PCSK1: variants seen among roughly 807,000 people sequenced by gnomAD.
PCSK1 encodes proprotein convertase subtilisin/kexin type 1, also known as neuroendocrine convertase 1.
In PCSK1, 56 loss-of-function variants were observed where a neutral mutation model predicts 90.6. The observed-to-expected ratio is 0.62, with a 90% CI of 0.50 to 0.77. The LOEUF is 0.77. PCSK1 is among the 30% of genes least tolerant of loss of function. The pLI is 0.00. For missense variants in PCSK1, 801 were observed against 932.6 expected, an observed-to-expected ratio of 0.86 and a Z score of 1.84; for synonymous variants, 348 against 342.4, an observed-to-expected ratio of 1.02 and a Z score of -0.18.
At chr5:96,404,466 C>T (rs552275409) in intron 9 of PCSK1, among the ~76,000 whole-genome samples, 1 of 152,278 alleles carries the variant, frequency 6.6e-6, no homozygotes, top group South Asian at 2.1e-4. Flanking sequence ...TTTCTTTGTG[C>T]ATATTCAGCC....
intron 8 of PCSK1, among the ~76,000 whole-genome samples, chr5:96,408,595 A>G (rs975861033): frequency 6.6e-6 from 1 of 152,350 alleles, no homozygotes; most frequent in Admixed American, 6.5e-5. Flanking sequence ...CTTTTCTGAG[A>G]TTCCCAAACG....
At chr5:96,393,478 A>G in intron 13 of PCSK1, 100 bp from the exon 14 acceptor site, 1 of 1,356,242 alleles carries the variant, frequency 7.4e-7, no homozygotes, top group Non-Finnish European at 1.0e-6. Flanking sequence ...CTGCCGCTTG[A>G]GAGGCAATGA....
intron 5 of PCSK1, among the ~76,000 whole-genome samples, chr5:96,417,957 A>G (rs1038312118): frequency 1.3e-5 from 2 of 152,244 alleles, no homozygotes; most frequent in Non-Finnish European, 2.9e-5. Context: ...ATGGGAGACA[A>G]GGCTCAGGTC....
At chr5:96,407,917 T>A (rs1760626575) in intron 9 of PCSK1, among the ~76,000 whole-genome samples, 1 of 152,156 alleles carries the variant, frequency 6.6e-6, no homozygotes, top group African/African-American at 2.4e-5. Context: ...TAGCATGAGT[T>A]TTAAAGGTCA....
rs1761138603 is a variant in PCSK1, at chr5:96,421,873, T to C, written c.620+7A>G. 3 of 1,428,772 alleles carry C rather than the reference T, an allele frequency of 2.1e-6. No individual in the cohort carries two copies. The highest frequency in any genetic ancestry group is 3.0e-6 in the Non-Finnish European group (3 of 1,011,686). 88.5% of individuals were successfully genotyped at this position (1,428,772 alleles called of 1,614,324 possible). A position where few individuals can be genotyped will look rare whatever the true frequency, so the allele number is the denominator to read the frequency against. ...ACTTTATTTCACACAAATGCATATT[T>C]ACTCACTTGTTCTCGTTTGTGGGAT... On this transcript the variant is annotated splice_region_variant and intron_variant, in intron 5 of 13. Coordinates refer to ENST00000311106, the MANE Select transcript of PCSK1 (RefSeq NM_000439.5).
chr5:96,400,748 C>T (rs1311629303), intron 9 of PCSK1, among the ~76,000 whole-genome samples: 1 of 152,198 alleles, frequency 6.6e-6, no homozygotes, highest in African/African-American at 2.4e-5. Context: ...AGGCACTATG[C>T]TAATACCATG....
chr5:96,423,585 C>T, intron 3 of PCSK1, 126 bp from the exon 4 acceptor site: 2 of 835,326 alleles, frequency 2.4e-6, no homozygotes, highest in Non-Finnish European at 4.0e-6. Context: ...TTAGAAGAAG[C>T]CAATTCAGTG....
Position 96,412,975 on chromosome 5 carries a change from T to C in PCSK1, c.710-485A>G, listed in dbSNP as rs2112424241. 7 of 1,001,152 alleles carry C rather than the reference T, an allele frequency of 7.0e-6. No homozygotes were observed. In the South Asian group the frequency reaches 1.3e-4, roughly 19 times the overall value. 62.0% of individuals were successfully genotyped at this position (1,001,152 alleles called of 1,614,324 possible). On this transcript the variant is annotated intron_variant, in intron 6 of 13. Transcript: ENST00000311106. ...CTCTGGTGATGCACCTCCTCATGGC[T>C]GTCCCACAAATGGCTGTGGCCCAGT...
intron 11 of PCSK1, 146 bp downstream of exon 11, chr5:96,398,733 G>C: frequency 1.4e-6 from 1 of 734,386 alleles, no homozygotes; most frequent in Non-Finnish European, 2.4e-6. Context: ...CTAACACCAA[G>C]AAAAAGGAAA....
intron 4 of PCSK1, among the ~76,000 whole-genome samples, chr5:96,422,283 TG>T (rs1456479907): frequency 6.6e-6 from 1 of 152,242 alleles, no homozygotes; most frequent in African/African-American, 2.4e-5. Context: ...ATGAGAAAAT[TG>T]AGGCCCAGAG....
intron 11 of PCSK1, among the ~76,000 whole-genome samples, chr5:96,398,618 T>A (rs1411142138): frequency 2.0e-5 from 3 of 152,200 alleles, no homozygotes; most frequent in Non-Finnish European, 4.4e-5. Context: ...GTAAACAGTT[T>A]GAAAATGCAT....
In PCSK1 at chr5:96,429,210, T is replaced by C. The variant is rs2112450202; in HGVS notation, c.285+3A>G. 1.4e-6 allele frequency: 2 copies of C among 1,421,594 alleles called. No individual in the cohort carries two copies. The highest frequency in any genetic ancestry group is 4.6e-5 in the East Asian group (2 of 43,890). 88.1% of individuals were successfully genotyped at this position (1,421,594 alleles called of 1,614,324 possible). On this transcript the variant is annotated splice_donor_region_variant and intron_variant, in intron 2 of 13. Transcript: ENST00000311106. ...GGTTTGAAGACAAATGTACAACACT[T>C]ACACGATCATCATCAGATAATCTCT...
intron 9 of PCSK1, among the ~76,000 whole-genome samples, chr5:96,401,086 C>CAAAAAAA (rs35928091): frequency 4.3e-5 from 3 of 70,572 alleles, no homozygotes; most frequent in East Asian, 5.4e-4. Context: ...GACTCCGTCT[C>CAAAAAAA]AAAAAAAAAA....
At chr5:96,404,484 A>G (rs570868473) in intron 9 of PCSK1, among the ~76,000 whole-genome samples, 1 of 152,200 alleles carries the variant, frequency 6.6e-6, no homozygotes, top group African/African-American at 2.4e-5. Flanking sequence ...GCCAGAAACC[A>G]TTCCTTCTCC....
intron 6 of PCSK1, among the ~76,000 whole-genome samples, chr5:96,415,591 G>A (rs114216895): frequency 0.014 from 2,068 of 152,158 alleles, 44 homozygotes; most frequent in African/African-American, 0.048. Context: ...ATAAAATTTG[G>A]CTATTTAATA....
At chr5:96,412,607 A>G (rs1760792454) in intron 6 of PCSK1, 117 bp from the exon 7 acceptor site, 1 of 941,506 alleles carries the variant, frequency 1.1e-6, no homozygotes, top group East Asian at 2.6e-5. Context: ...AAAACCAGGT[A>G]ACTACTAGAT....
chr5:96,417,997 C>T (rs1760987851), intron 5 of PCSK1, among the ~76,000 whole-genome samples: 1 of 152,198 alleles, frequency 6.6e-6, no homozygotes, highest in Non-Finnish European at 1.5e-5. Context: ...GGTCTTCAGC[C>T]TGAGCCAACA....
intron 8 of PCSK1, among the ~76,000 whole-genome samples, chr5:96,410,163 A>G (rs895132201): frequency 1.3e-5 from 2 of 152,078 alleles, no homozygotes; most frequent in Non-Finnish European, 2.9e-5. Context: ...GAAATCCAGT[A>G]ATTGCCCTTG....
At chr5:96,411,337 T>C (rs1760748272) in intron 7 of PCSK1, among the ~76,000 whole-genome samples, 1 of 152,270 alleles carries the variant, frequency 6.6e-6, no homozygotes, top group Non-Finnish European at 1.5e-5. Flanking sequence ...CCTCTCTTTC[T>C]TTCTGCTTCA....
Sources: gnomAD v4.1 joint callset for allele counts (sites outside exome capture counted in the v4.1 genomes callset) on GRCh38, gnomAD v4.1.1 for gene constraint, MANE v1.5 for transcripts, NCBI Gene and HGNC (gene_info 2026-07-23, HGNC 2026-07-21) for gene names.